The following SENP7 variants were observed in gnomAD, a reference collection of about 807,000 sequenced individuals.
SENP7 encodes the protein SUMO specific peptidase 7.
Under a neutral mutation model 141.2 loss-of-function variants are expected in SENP7, and 64 were observed. The ratio of observed to expected loss-of-function variants is 0.45; its 90% CI spans 0.37 to 0.56. The LOEUF is 0.56. SENP7 is among the 20% of genes least tolerant of loss of function. The pLI is 0.00. For missense variants in SENP7, 1,025 were observed against 1,212.2 expected, an observed-to-expected ratio of 0.85 and a Z score of 2.29; for synonymous variants, 382 against 426.4, an observed-to-expected ratio of 0.90 and a Z score of 1.28.
intron 6 of SENP7, among the ~76,000 whole-genome samples, chr3:101,383,167 G>A (rs1028221955): frequency 3.9e-5 from 6 of 152,156 alleles, no homozygotes; most frequent in Admixed American, 2.6e-4. Flanking sequence ...GCTTGGTGCC[G>A]TCTTCATGAT....
intron 11 of SENP7, chr3:101,357,296 G>C (rs1291529450): frequency 1.7e-6 from 1 of 593,166 alleles, no homozygotes; most frequent in Non-Finnish European, 3.2e-6. Context: ...CCACCGCGAG[G>C]AGTGGCATTG....
rs1256153055 is a variant in SENP7, at chr3:101,502,620, GA to G, written c.41-1502del. ...TGGATTTGCTTTGAAAAAGAAAAAA[GA>G]AAAAAAAAAAAGGTCAGGCACAGTG... On this transcript the variant is annotated intron_variant, in intron 1 of 23. Coordinates refer to ENST00000394095, the MANE Select transcript of SENP7 (RefSeq NM_020654.5). Among the ~76,000 whole-genome samples, 495 of 124,960 alleles carry G rather than the reference GA, an allele frequency of 4.0e-3. 5 individuals carry two copies. The highest frequency in any genetic ancestry group is 0.032 in the Admixed American group (401 of 12,648). 82.0% of individuals were successfully genotyped at this position (124,960 alleles called of 152,430 possible).
rs1435986010 is a variant in SENP7 at position 101,438,157 on chromosome 3, C to T, written c.285-20367G>A. ...TGAGGTATTTGTACACCCATGTTAA[C>T]GATAGCTAAAATATTAAAGTAAACC... is the stretch of plus-strand genomic sequence containing the variant. On this transcript the variant is annotated intron_variant, in intron 4 of 23. Coordinates refer to ENST00000394095, the MANE Select transcript of SENP7 (RefSeq NM_020654.5). 3.9e-5 allele frequency among the ~76,000 whole-genome samples: 6 copies of T among 152,018 alleles called. No homozygotes were observed. In the East Asian group the frequency reaches 7.7e-4, roughly 20 times the overall value.
intron 6 of SENP7, among the ~76,000 whole-genome samples, chr3:101,384,131 C>A (rs1316947450): frequency 1.3e-5 from 2 of 152,262 alleles, no homozygotes; most frequent in Non-Finnish European, 2.9e-5. Flanking sequence ...ACAGGATCAC[C>A]TGCCTGCAAA....
chr3:101,389,285 T>C (rs990328813), intron 6 of SENP7, among the ~76,000 whole-genome samples: 2 of 152,042 alleles, frequency 1.3e-5, no homozygotes, highest in Non-Finnish European at 2.9e-5. Context: ...GATTTAGACA[T>C]ACAGACACAG....
At position 101,399,108 on chromosome 3, in the gene SENP7, A is replaced by G. The variant is rs962971063; in HGVS notation, c.483-53T>C. On this transcript the variant is annotated intron_variant, in intron 5 of 23. Transcript: ENST00000394095. ...CTGTACTGAAGTTTTCAGTTAAAAA[A>G]AAATGTATTCCAGGAAGGTGAATTT... The G allele has an allele frequency of 7.7e-6, 9 of 1,168,300 alleles. No homozygotes were observed. In the Admixed American group the frequency reaches 2.2e-4, roughly 29 times the overall value. The allele number at this position is 1,168,300 out of a possible 1,614,324, so 72.4% of individuals were successfully genotyped here. A position where few individuals can be genotyped will look rare whatever the true frequency, so the allele number is the denominator to read the frequency against.
chr3:101,479,675 A>G (rs2064367148), intron 3 of SENP7, among the ~76,000 whole-genome samples: 1 of 150,910 alleles, frequency 6.6e-6, no homozygotes, highest in South Asian at 2.1e-4. Flanking sequence ...AACATCAAAA[A>G]TGTAGTGATT....
intron 5 of SENP7, among the ~76,000 whole-genome samples, chr3:101,402,451 C>T (rs1198523096): frequency 6.6e-6 from 1 of 151,860 alleles, no homozygotes; most frequent in Non-Finnish European, 1.5e-5. Context: ...TGGTGAAACC[C>T]CACCTCTACT....
At chr3:101,469,372 G>A (rs536409837) in intron 3 of SENP7, among the ~76,000 whole-genome samples, 3 of 152,174 alleles carry the variant, frequency 2.0e-5, no homozygotes, top group South Asian at 4.2e-4. Context: ...AGGATATCCA[G>A]GACTTGAACT....
At chr3:101,512,947 G>T in intron 1 of SENP7, 144 bp downstream of exon 1, 2 of 880,376 alleles carry the variant, frequency 2.3e-6, no homozygotes, top group East Asian at 2.4e-5. Flanking sequence ...CGACCCGGGA[G>T]CCTTCCATTG....
At chr3:101,341,387 A>G (rs2059321772) in intron 15 of SENP7, among the ~76,000 whole-genome samples, 1 of 152,234 alleles carries the variant, frequency 6.6e-6, no homozygotes, top group Admixed American at 6.5e-5. Flanking sequence ...AATGTTTTTA[A>G]TAAACACTTT....
At chr3:101,508,492 G>A (rs921082632) in intron 1 of SENP7, among the ~76,000 whole-genome samples, 2 of 151,998 alleles carry the variant, frequency 1.3e-5, no homozygotes, top group African/African-American at 2.4e-5. Flanking sequence ...CCAGCTACTC[G>A]GGAGGCTGAA....
At chr3:101,361,309 A>G (rs1172962866) in intron 11 of SENP7, among the ~76,000 whole-genome samples, 1 of 152,104 alleles carries the variant, frequency 6.6e-6, no homozygotes, top group Non-Finnish European at 1.5e-5. Context: ...AATTAGAAAA[A>G]CAGCGTAGGA....
At chr3:101,387,984 T>TGGCAGTTCCTGCA (rs71132571) in intron 6 of SENP7, among the ~76,000 whole-genome samples, 48,321 of 151,948 alleles carry the variant, frequency 0.32, 8,176 homozygotes, top group Non-Finnish European at 0.38. Context: ...CCCAGCCTGC[T>TGGCAGTTCCTGCA]GGCAGTTCCT....
At chr3:101,412,337 CA>C (rs2061479063) in intron 5 of SENP7, among the ~76,000 whole-genome samples, 1 of 151,964 alleles carries the variant, frequency 6.6e-6, no homozygotes, top group African/African-American at 2.4e-5. Flanking sequence ...TCTAAATCAG[CA>C]TCTTAAAGGT....
At chr3:101,463,398 CAT>C (rs1257100584) in intron 3 of SENP7, among the ~76,000 whole-genome samples, 972 of 58,644 alleles carry the variant, frequency 0.017, 13 homozygotes, top group African/African-American at 0.045. Flanking sequence ...TATATATATA[CAT>C]ATATATATAT....
chr3:101,489,169 T>C (rs1320057504), intron 3 of SENP7, among the ~76,000 whole-genome samples: 1 of 152,092 alleles, frequency 6.6e-6, no homozygotes, highest in African/African-American at 2.4e-5. Context: ...AAGGGAGTAC[T>C]AAACATGGAA....
At chr3:101,414,991 T>C (rs1422551967) in intron 5 of SENP7, among the ~76,000 whole-genome samples, 3 of 152,228 alleles carry the variant, frequency 2.0e-5, no homozygotes, top group Non-Finnish European at 4.4e-5. Flanking sequence ...AGGTTAGAGT[T>C]GGTGGAGTTT....
At chr3:101,430,524 G>A (rs552519910) in intron 4 of SENP7, among the ~76,000 whole-genome samples, 12 of 152,110 alleles carry the variant, frequency 7.9e-5, no homozygotes, top group South Asian at 2.1e-4. Context: ...CTGTGGGATC[G>A]GTGGTGATAT....
Sources: allele counts gnomAD v4.1 joint callset (sites outside exome capture counted in the v4.1 genomes callset), GRCh38; gene constraint gnomAD v4.1.1; transcripts MANE v1.5; gene names NCBI Gene and HGNC (gene_info 2026-07-23, HGNC 2026-07-21).